Variants in CTDSP1 observed in about 807,000 individuals in gnomAD.
The protein encoded by CTDSP1 is CTD small phosphatase 1, also known as carboxy-terminal domain RNA polymerase II polypeptide A small phosphatase 1.
Under a neutral mutation model 32.5 loss-of-function variants are expected in CTDSP1, and 15 were observed. The observed-to-expected ratio is 0.46, with a 90% confidence interval of 0.31 to 0.71. CTDSP1 has a LOEUF of 0.71. Ranked by LOEUF, CTDSP1 falls within the 30% of genes least tolerant of loss-of-function variation. CTDSP1 has a pLI of 0.05. For missense variants in CTDSP1, 294 were observed against 351.1 expected (o/e 0.84, Z 1.30); for synonymous variants, 185 against 145.4 (o/e 1.27, Z -1.96).
chr2:218,402,552 A>C, intron 4 of CTDSP1, 147 bp downstream of exon 4: 4 of 858,236 alleles, frequency 4.7e-6, no homozygotes, highest in South Asian at 4.2e-5. Flanking sequence ...TCCCAAAGTC[A>C]CACAGAACCT....
upstream of CTDSP1, chr2:218,396,376 C>T (rs1696767694): frequency 6.6e-6 from 1 of 152,488 alleles, no homozygotes. Context: ...AGACCCCAGC[C>T]CAGGACCTGC....
Position 218,404,754 on chromosome 2 carries a change from TC to T in CTDSP1, c.*331del, listed in dbSNP as rs1316173972. The T allele has an allele frequency of 2.4e-5, 6 of 249,304 alleles. No homozygotes were observed. The highest frequency in any genetic ancestry group is 1.2e-3 in the Middle Eastern group (1 of 804). The allele number at this position is 249,304 out of a possible 1,614,324, so 15.4% of individuals were successfully genotyped here. On this transcript the variant is annotated 3_prime_UTR_variant, in exon 7 of 7. Coordinates refer to ENST00000273062, the MANE Select transcript of CTDSP1 (RefSeq NM_021198.3). ...TGCCAAATTGGGCCCCTTGGCCCCTTCCGGTTCTGCTTCCTGGGGGCAGGGT... is the reference window on the plus strand; with the variant it reads ...TGCCAAATTGGGCCCCTTGGCCCCTTCGGTTCTGCTTCCTGGGGGCAGGGT...
chr2:218,397,045 C>A (rs1696831024), upstream of CTDSP1, among the ~76,000 whole-genome samples: 1 of 152,014 alleles, frequency 6.6e-6, no homozygotes, highest in Non-Finnish European at 1.5e-5. Context: ...ACAGGACAGC[C>A]CAGGAGGAAT....
At chr2:218,400,700 G>T (rs1348674793) in intron 1 of CTDSP1, 2 of 455,680 alleles carry the variant, frequency 4.4e-6, no homozygotes, top group Admixed American at 4.7e-5. Flanking sequence ...CCCCTCGGAG[G>T]CACAGAGAGG....
rs910598314 is a variant in CTDSP1 at position 218,400,035 on chromosome 2, G to C, written c.-56G>C. 2.3e-5 allele frequency: 31 copies of C among 1,350,578 alleles called. No individual in the cohort carries two copies. Among genetic ancestry groups the C allele is most frequent in the African/African-American group, 3.1e-5 (2 of 64,580 alleles). The allele number at this position is 1,350,578 out of a possible 1,614,324, so 83.7% of individuals were successfully genotyped here. A position where few individuals can be genotyped will look rare whatever the true frequency, so the allele number is the denominator to read the frequency against. The stretch of plus-strand genomic sequence containing the variant: ...GCGCCCCGATTCCGGCCCCAGCCGG[G>C]GGGGAGGCCGGGCGCCCGGGCCAGA... On this transcript the variant is annotated 5_prime_UTR_variant, in exon 1 of 7. Transcript: ENST00000273062.
intron 1 of CTDSP1, chr2:218,400,914 C>A (rs1386206369): frequency 2.2e-6 from 1 of 447,176 alleles, no homozygotes; most frequent in Admixed American, 2.4e-5. Flanking sequence ...CCACCCTCGC[C>A]TGGGTCTGGC....
upstream of CTDSP1, chr2:218,396,946 G>C (rs1402346535): frequency 1.3e-5 from 2 of 152,422 alleles, no homozygotes; most frequent in African/African-American, 4.8e-5. Flanking sequence ...CCTGTGGCAG[G>C]ATGCGGTGAA....
At chr2:218,402,250 CG>C (rs756810983) in intron 3 of CTDSP1, 35 bp downstream of exon 3, 4 of 1,610,232 alleles carry the variant, frequency 2.5e-6, no homozygotes, top group African/African-American at 2.7e-5. Context: ...GCCCGGGTCT[CG>C]GGGGGCATCC....
chr2:218,398,213 C>G (rs1696921981), upstream of CTDSP1: 8 of 580,254 alleles, frequency 1.4e-5, no homozygotes, highest in East Asian at 3.2e-5. Context: ...ACAGATGTCC[C>G]GCTCCCAGGC....
intron 4 of CTDSP1, chr2:218,402,824 G>A: frequency 1.5e-6 from 1 of 683,434 alleles, no homozygotes; most frequent in East Asian, 2.7e-5. Context: ...CGTGAGGTAG[G>A]ACTGGCCAGT....
chr2:218,402,681 G>T (rs759268777), intron 4 of CTDSP1: 10 of 764,544 alleles, frequency 1.3e-5, no homozygotes, highest in South Asian at 1.1e-4. Flanking sequence ...GATAGGTTGT[G>T]TGCTGTCCAG....
Position 218,402,411 on chromosome 2 carries a change from G to A in CTDSP1, c.378+6G>A, listed in dbSNP as rs1466934179. On this transcript the variant is annotated splice_donor_region_variant and intron_variant, in intron 4 of 6. Transcript: ENST00000273062. Reference sequence around the variant, plus strand: ...TTGATGGGGTGGTCCACCAGGTGAGGGCCAGGAAGAGGCAGTGGTGGGCTT... The same window carrying A: ...TTGATGGGGTGGTCCACCAGGTGAGAGCCAGGAAGAGGCAGTGGTGGGCTT... 1.9e-6 allele frequency: 3 copies of A among 1,605,806 alleles called. No individual in the cohort carries two copies. The highest frequency in any genetic ancestry group is 1.3e-5 in the African/African-American group (1 of 74,996).
At chr2:218,401,909 C>T (rs2607727) in intron 2 of CTDSP1, among the ~76,000 whole-genome samples, 197 bp downstream of exon 2, 93,362 of 152,050 alleles carry the variant, frequency 0.61, 28,785 homozygotes, top group East Asian at 0.71. Flanking sequence ...GAAGCTTTTT[C>T]CTACCTTGGT....
chr2:218,397,086 T>G (rs897866801), upstream of CTDSP1, among the ~76,000 whole-genome samples: 1 of 152,060 alleles, frequency 6.6e-6, no homozygotes, highest in African/African-American at 2.4e-5. Flanking sequence ...GGCACGTGTG[T>G]GCACATCTGC....
chr2:218,398,489 C>T (rs1020544673), upstream of CTDSP1: 17 of 1,485,252 alleles, frequency 1.1e-5, no homozygotes, highest in Non-Finnish European at 1.4e-5. Flanking sequence ...GGTATCAGTC[C>T]CCGACAGTCC....
In CTDSP1 at chr2:218,400,257, G is replaced by A. The variant is rs1333112768; in HGVS notation, c.67+100G>A. ...GGAGCCGCCGCCGCCGCCCCGGGCG[G>A]CCGCCTTAGCTGTGCCCGAAGCTCC... On this transcript the variant is annotated intron_variant, in intron 1 of 6. Coordinates refer to ENST00000273062, the MANE Select transcript of CTDSP1 (RefSeq NM_021198.3). 3.6e-6 allele frequency: 4 copies of A among 1,120,002 alleles called. No individual in the cohort carries two copies. In the Admixed American group the frequency reaches 7.9e-5, roughly 22 times the overall value. 69.4% of individuals were successfully genotyped at this position (1,120,002 alleles called of 1,614,324 possible). A position where few individuals can be genotyped will look rare whatever the true frequency, so the allele number is the denominator to read the frequency against.
chr2:218,402,079 A>G (rs765816083), intron 2 of CTDSP1, 32 bp from the exon 3 acceptor site: 4 of 1,470,696 alleles, frequency 2.7e-6, no homozygotes, highest in African/African-American at 1.4e-5. Context: ...GCCCGGAGAG[A>G]GGCACCCCAG....
chr2:218,398,363 A>G (rs1696928983), upstream of CTDSP1: 1 of 1,493,226 alleles, frequency 6.7e-7, no homozygotes, highest in African/African-American at 1.4e-5. Context: ...CAGCCAGAGC[A>G]GGCCTAGGAA....
intron 1 of CTDSP1, 145 bp from the exon 2 acceptor site, chr2:218,401,419 G>A (rs1052710018): frequency 6.6e-5 from 59 of 890,282 alleles, no homozygotes; most frequent in Non-Finnish European, 1.0e-4. Flanking sequence ...GGGCGTTTCA[G>A]AGAAAGTCAG....
Sources: allele counts gnomAD v4.1 joint callset (sites outside exome capture counted in the v4.1 genomes callset), GRCh38; gene constraint gnomAD v4.1.1; transcripts MANE v1.5; gene names NCBI Gene and HGNC (gene_info 2026-07-23, HGNC 2026-07-21).